The following TBXAS1 variants were observed in gnomAD, a reference collection of about 807,000 sequenced individuals.
TBXAS1 encodes thromboxane-A synthase.
Under a neutral mutation model 60.7 loss-of-function variants are expected in TBXAS1, and 48 were observed. The observed-to-expected ratio is 0.79, with a 90% CI of 0.63 to 1.01. The LOEUF is 1.01. Ranked by LOEUF, TBXAS1 falls within the 50% of genes least tolerant of loss-of-function variation. The pLI is 0.00. For synonymous variants in TBXAS1, 287 were observed against 269.7 expected (o/e 1.06, Z -0.63); for missense variants, 685 against 686.3 (o/e 1.00, Z 0.02).
chr7:139,813,069 TAAAATAAATAAAATA>T (rs1172767652), intron 4 of TBXAS1, among the ~76,000 whole-genome samples: 1 of 124,304 alleles, frequency 8.0e-6, no homozygotes, highest in Non-Finnish European at 1.6e-5. Context: ...ATAAATAAAA[TAAAATAAATAAAATA>T]AAATAAAATA....
intron 4 of TBXAS1, among the ~76,000 whole-genome samples, chr7:139,795,655 C>T (rs993291414): frequency 4.6e-5 from 7 of 150,682 alleles, no homozygotes; most frequent in Admixed American, 1.3e-4. Flanking sequence ...TTAGGTCTAA[C>T]GTTTAAGTCT....
At chr7:139,984,767 GGA>G (rs1347979172) in intron 9 of TBXAS1, among the ~76,000 whole-genome samples, 1 of 93,110 alleles carries the variant, frequency 1.1e-5, no homozygotes, top group East Asian at 5.3e-4. Context: ...AAAGAAAGCA[GGA>G]AAGAAAGAAA....
chr7:139,844,676 G>A (rs1236194826), intron 1 of TBXAS1, among the ~76,000 whole-genome samples: 2 of 152,212 alleles, frequency 1.3e-5, no homozygotes, highest in African/African-American at 4.8e-5. Context: ...GGGAACCCCA[G>A]GCTGTAAAGC....
chr7:139,946,014 A>C (rs1219239907), intron 5 of TBXAS1, among the ~76,000 whole-genome samples: 1 of 152,190 alleles, frequency 6.6e-6, no homozygotes, highest in Non-Finnish European at 1.5e-5. Flanking sequence ...TGTTTCAGCA[A>C]AGCATTACTG....
chr7:139,963,079 C>T (rs1239412088), intron 9 of TBXAS1: 1 of 152,154 alleles, frequency 6.6e-6, no homozygotes, highest in Non-Finnish European at 1.5e-5. Flanking sequence ...CTTCTTTATT[C>T]TACTGGGGAA....
chr7:140,015,908 G>T, intron 11 of TBXAS1, 48 bp downstream of exon 11: 1 of 1,611,454 alleles, frequency 6.2e-7, no homozygotes. Flanking sequence ...TGAGTGTGTG[G>T]GATAGAAATT....
At chr7:139,962,448 G>A in intron 9 of TBXAS1, 1 of 559,652 alleles carries the variant, frequency 1.8e-6, no homozygotes, top group Non-Finnish European at 3.2e-6. Context: ...CAAATTGTGT[G>A]TGCACCTTCA....
At chr7:139,851,821 T>C (rs1392872600) in intron 1 of TBXAS1, among the ~76,000 whole-genome samples, 2 of 152,180 alleles carry the variant, frequency 1.3e-5, no homozygotes, top group African/African-American at 4.8e-5. Flanking sequence ...AAGAGGGCCC[T>C]CTGGATCCTT....
intron 3 of TBXAS1, among the ~76,000 whole-genome samples, chr7:139,889,309 A>G (rs868109383): frequency 6.6e-5 from 10 of 151,466 alleles, no homozygotes; most frequent in Admixed American, 3.3e-4. Flanking sequence ...AATCCTGTCG[A>G]AAAAAAAGGA....
At chr7:139,858,367 T>G (rs1034912475) in intron 1 of TBXAS1, among the ~76,000 whole-genome samples, 3 of 152,206 alleles carry the variant, frequency 2.0e-5, no homozygotes, top group Non-Finnish European at 4.4e-5. Context: ...GGGGACATAA[T>G]AAGTGGAGAC....
At chr7:139,974,790 A>G (rs1178879618) in intron 9 of TBXAS1, among the ~76,000 whole-genome samples, 2 of 152,208 alleles carry the variant, frequency 1.3e-5, no homozygotes, top group African/African-American at 4.8e-5. Flanking sequence ...GTTATTGATG[A>G]TGATGATGAT....
intron 9 of TBXAS1, 157 bp downstream of exon 9, chr7:139,962,390 G>T: frequency 2.3e-6 from 2 of 866,490 alleles, no homozygotes; most frequent in Non-Finnish European, 3.6e-6. Context: ...TGCTCTCCGG[G>T]TTAGCAAGCG....
intron 1 of TBXAS1, among the ~76,000 whole-genome samples, chr7:139,868,349 A>G (rs888557240): frequency 1.3e-5 from 2 of 152,190 alleles, no homozygotes; most frequent in African/African-American, 4.8e-5. Context: ...AAGATATTTA[A>G]AAACAACTTT....
At chr7:139,815,331 A>C (rs912834447) in intron 4 of TBXAS1, among the ~76,000 whole-genome samples, 5 of 152,206 alleles carry the variant, frequency 3.3e-5, no homozygotes, top group Non-Finnish European at 1.5e-5. Context: ...AACTTATCTT[A>C]GCAATTTTCC....
intron 1 of TBXAS1, among the ~76,000 whole-genome samples, chr7:139,868,041 C>T (rs1057337978): frequency 6.6e-5 from 10 of 152,202 alleles, no homozygotes; most frequent in Non-Finnish European, 1.2e-4. Context: ...AAAATAAAAC[C>T]GAAAGATGCT....
intron 5 of TBXAS1, among the ~76,000 whole-genome samples, chr7:139,942,501 C>T (rs1356094970): frequency 6.6e-6 from 1 of 152,194 alleles, no homozygotes; most frequent in Non-Finnish European, 1.5e-5. Flanking sequence ...CTTCAAACCT[C>T]ATTAACCATG....
At chr7:139,844,334 T>C (rs139464502) in intron 1 of TBXAS1, among the ~76,000 whole-genome samples, 1 of 152,306 alleles carries the variant, frequency 6.6e-6, no homozygotes, top group African/African-American at 2.4e-5. Context: ...TTCCCTACCA[T>C]CCACTGTTGA....
intron 1 of TBXAS1, among the ~76,000 whole-genome samples, chr7:139,856,097 A>G (rs999517821): frequency 3.3e-5 from 5 of 152,184 alleles, no homozygotes; most frequent in South Asian, 4.1e-4. Context: ...AGATCCCCCA[A>G]TGAGGACAAC....
At chr7:139,835,974 C>T (rs1457733754) in intron 1 of TBXAS1, among the ~76,000 whole-genome samples, 3 of 151,894 alleles carry the variant, frequency 2.0e-5, no homozygotes, top group Non-Finnish European at 4.4e-5. Context: ...CTCTCCTATA[C>T]ACCAACAGTG....
Sources: allele counts gnomAD v4.1 joint callset (sites outside exome capture counted in the v4.1 genomes callset), GRCh38; gene constraint gnomAD v4.1.1; transcripts MANE v1.5; gene names NCBI Gene and HGNC (gene_info 2026-07-23, HGNC 2026-07-21).